The following HEATR5A variants were observed in gnomAD, a reference collection of about 807,000 sequenced individuals.
HEATR5A encodes the protein HEAT repeat containing 5A, also known as HEAT repeat-containing protein 5A.
In HEATR5A, 178 loss-of-function variants were observed where a neutral mutation model predicts 218.8. That is an observed-to-expected ratio of 0.81 (90% CI 0.72 to 0.92). The LOEUF (loss-of-function observed/expected upper bound fraction) is 0.92. Ranked by LOEUF, HEATR5A falls within the 40% of genes least tolerant of loss-of-function variation. The pLI is 0.00. For missense variants in HEATR5A, 2,420 were observed against 2,418.9 expected (o/e 1.00, Z -0.01); for synonymous variants, 864 against 871.6 (o/e 0.99, Z 0.15).
chr14:31,375,852 C>T (rs1394493425), intron 11 of HEATR5A, among the ~76,000 whole-genome samples: 1 of 152,148 alleles, frequency 6.6e-6, no homozygotes, highest in East Asian at 1.9e-4. Flanking sequence ...AATAATAATA[C>T]AAAACAATGT....
Position 31,309,003 on chromosome 14 carries a change from C to A in HEATR5A, c.4621G>T (p.Gly1541Cys). ...RPVTPTSMCQ[G>C]SSSGATIKSP... ...TTTATGGTAGCCCCAGATGATGAAC[C>A]CTGACACATGGAAGTTGGTGTTACA... Residue 1541 changes from glycine (G) to cysteine (C), a missense_variant, in exon 29 of 36, where the codon GGT becomes TGT. Coordinates refer to ENST00000543095, the MANE Select transcript of HEATR5A (RefSeq NM_015473.4). 1 of 1,613,798 alleles carries A rather than the reference C, an allele frequency of 6.2e-7. No homozygotes were observed. The highest frequency in any genetic ancestry group is 8.5e-7 in the Non-Finnish European group (1 of 1,179,792).
intron 14 of HEATR5A, among the ~76,000 whole-genome samples, chr14:31,363,950 G>C (rs918449610): frequency 6.6e-6 from 1 of 152,006 alleles, no homozygotes; most frequent in African/African-American, 2.4e-5. Context: ...TACCAGCCTG[G>C]GTAAGAGAGT....
chr14:31,371,927 CTT>C lies in HEATR5A; in HGVS notation c.1862-20_1862-19del, dbSNP rs1399333276. 1.6e-5 allele frequency: 21 copies of C among 1,311,966 alleles called. No homozygotes were observed. In the East Asian group the frequency reaches 4.9e-4, roughly 31 times the overall value. The allele number at this position is 1,311,966 out of a possible 1,614,324, so 81.3% of individuals were successfully genotyped here. A position where few individuals can be genotyped will look rare whatever the true frequency, so the allele number is the denominator to read the frequency against. ...CTTGATAGCTGAAAAGGAAAACAGA[CTT>C]TTACTTGGGCATACTGTAATCAACC... On this transcript the variant is annotated intron_variant, in intron 12 of 35. Coordinates refer to ENST00000543095, the MANE Select transcript of HEATR5A (RefSeq NM_015473.4).
chr14:31,377,318 AT>A (rs1415647790), intron 11 of HEATR5A, among the ~76,000 whole-genome samples: 1 of 152,114 alleles, frequency 6.6e-6, no homozygotes, highest in Admixed American at 6.6e-5. Flanking sequence ...GGGACTCCCA[AT>A]GACCAAAGAT....
chr14:31,337,074 C>A (rs989142747), intron 22 of HEATR5A, among the ~76,000 whole-genome samples: 13 of 152,192 alleles, frequency 8.5e-5, no homozygotes, highest in Non-Finnish European at 4.4e-5. Context: ...GTATTATAAT[C>A]TTATGGGACC....
chr14:31,405,308 C>T (rs1249969218), intron 1 of HEATR5A, among the ~76,000 whole-genome samples: 1 of 152,064 alleles, frequency 6.6e-6, no homozygotes, highest in Non-Finnish European at 1.5e-5. Flanking sequence ...GTGGTGTGCA[C>T]CTGCGGTCCC....
At chr14:31,396,755 C>G (rs1161631395) in intron 4 of HEATR5A, among the ~76,000 whole-genome samples, 1 of 152,040 alleles carries the variant, frequency 6.6e-6, no homozygotes, top group South Asian at 2.1e-4. Flanking sequence ...GTTGTGATAC[C>G]TGATCAACTA....
At chr14:31,405,449 AG>A (rs993899369) in intron 1 of HEATR5A, among the ~76,000 whole-genome samples, 12 of 152,214 alleles carry the variant, frequency 7.9e-5, no homozygotes, top group African/African-American at 2.9e-4. Context: ...ACAACAAAAA[AG>A]GAATATAAAC....
rs777976721 is a variant in HEATR5A, at chr14:31,309,189, CA to C, written c.4442-8del. ...GCTGTGTAGAAAGCACCACCTAAAGCAAACAGTTTCAGGAAAAATAAGAGAT... is the reference window on the plus strand; with the variant it reads ...GCTGTGTAGAAAGCACCACCTAAAGCAACAGTTTCAGGAAAAATAAGAGAT... On this transcript the variant is annotated splice_polypyrimidine_tract_variant and splice_region_variant and intron_variant, in intron 28 of 35. Coordinates refer to ENST00000543095, the MANE Select transcript of HEATR5A (RefSeq NM_015473.4). 1.2e-6 allele frequency: 2 copies of C among 1,607,662 alleles called. No individual in the cohort carries two copies. The highest frequency in any genetic ancestry group is 1.7e-6 in the Non-Finnish European group (2 of 1,175,844).
chr14:31,294,255 A>G (rs1284659440), intron 34 of HEATR5A, among the ~76,000 whole-genome samples, 151 bp from the exon 35 acceptor site: 1 of 152,164 alleles, frequency 6.6e-6, no homozygotes, highest in African/African-American at 2.4e-5. Context: ...CAGGTAATCA[A>G]ACATCTATGC....
At chr14:31,316,280 C>A (rs1021115266) in intron 26 of HEATR5A, among the ~76,000 whole-genome samples, 1 of 151,512 alleles carries the variant, frequency 6.6e-6, no homozygotes, top group African/African-American at 2.4e-5. Context: ...AGAGTGAGAC[C>A]CCATCTCTTA....
intron 10 of HEATR5A, among the ~76,000 whole-genome samples, chr14:31,382,585 A>G (rs2030038409): frequency 6.6e-6 from 1 of 152,070 alleles, no homozygotes; most frequent in Non-Finnish European, 1.5e-5. Flanking sequence ...ATGTTGTATT[A>G]TCTAGGTTTC....
intron 16 of HEATR5A, among the ~76,000 whole-genome samples, chr14:31,356,094 A>AT (rs2096755548): frequency 6.6e-6 from 1 of 152,222 alleles, no homozygotes; most frequent in Non-Finnish European, 1.5e-5. Flanking sequence ...CATAAATATC[A>AT]TATCTGGCAT....
chr14:31,307,660 C>T (rs1899598084), intron 30 of HEATR5A, among the ~76,000 whole-genome samples: 1 of 152,198 alleles, frequency 6.6e-6, no homozygotes, highest in African/African-American at 2.4e-5. Context: ...ATAGAACCCT[C>T]CCATCATTGC....
In HEATR5A at chr14:31,308,206, T is replaced by C. The variant is rs190446585; in HGVS notation, c.4691-186A>G. ...ACTTAATAGTCTGTTTCTATCTACA[T>C]GTACAAAAAAAATAATCTATGCCGG... is the stretch of plus-strand genomic sequence containing the variant. On this transcript the variant is annotated intron_variant, in intron 29 of 35. Transcript: ENST00000543095. 3.2e-3 allele frequency among the ~76,000 whole-genome samples: 484 copies of C among 152,180 alleles called. 1 individual carries two copies. The highest frequency in any genetic ancestry group is 0.014 in the Middle Eastern group (4 of 294).
At chr14:31,312,633 G>A (rs998620525) in intron 28 of HEATR5A, among the ~76,000 whole-genome samples, 38 of 152,020 alleles carry the variant, frequency 2.5e-4, no homozygotes, top group African/African-American at 9.2e-4. Context: ...TGCTGGTCTC[G>A]AACTCAGGAC....
chr14:31,403,640 G>A (rs1445915516), intron 1 of HEATR5A, among the ~76,000 whole-genome samples: 1 of 152,218 alleles, frequency 6.6e-6, no homozygotes, highest in African/African-American at 2.4e-5. Context: ...TGAAAGTCTT[G>A]TGAGAGCAAA....
Position 31,326,042 on chromosome 14 carries a change from C to G in HEATR5A, c.3547+121G>C, listed in dbSNP as rs768085956. On this transcript the variant is annotated intron_variant, in intron 23 of 35. Coordinates refer to ENST00000543095, the MANE Select transcript of HEATR5A (RefSeq NM_015473.4). ...ACAATCTTCATTTGAAGAAAAGCAA[C>G]AATCAGACAGTCAGAATCCAGCTAG... 2.0e-4 allele frequency: 140 copies of G among 711,518 alleles called. 1 individual carries two copies. Among genetic ancestry groups the G allele is most frequent in the South Asian group, 1.6e-3 (90 of 58,032 alleles). 44.1% of individuals were successfully genotyped at this position (711,518 alleles called of 1,614,324 possible).
chr14:31,406,783 C>G (rs1015143556), intron 1 of HEATR5A, among the ~76,000 whole-genome samples: 2 of 151,856 alleles, frequency 1.3e-5, no homozygotes, highest in Non-Finnish European at 2.9e-5. Context: ...CATGGTGAAA[C>G]CCTGTCTCTA....
Sources: gnomAD v4.1 joint callset for allele counts (sites outside exome capture counted in the v4.1 genomes callset) on GRCh38, gnomAD v4.1.1 for gene constraint, MANE v1.5 for transcripts, NCBI Gene and HGNC (gene_info 2026-07-23, HGNC 2026-07-21) for gene names.